The following CLVS1 variants were observed in gnomAD, a reference collection of about 807,000 sequenced individuals.
CLVS1 encodes the protein clavesin 1.
In CLVS1, 10 loss-of-function variants were observed where a neutral mutation model predicts 33.1. The observed-to-expected ratio is 0.30, with a 90% CI of 0.19 to 0.51. The LOEUF (loss-of-function observed/expected upper bound fraction) is 0.51, where lower values mean the gene tolerates loss of function less well. CLVS1 is among the 20% of genes least tolerant of loss of function. The pLI, the probability that CLVS1 is intolerant of heterozygous loss-of-function variation, is 0.97. For missense variants in CLVS1, 343 were observed against 433.4 expected (o/e 0.79, Z 1.85); for synonymous variants, 163 against 166.1 (o/e 0.98, Z 0.14).
chr8:61,295,670 G>A (rs1388415646), intron 1 of CLVS1, among the ~76,000 whole-genome samples: 1 of 152,144 alleles, frequency 6.6e-6, no homozygotes, highest in African/African-American at 2.4e-5. Flanking sequence ...ACACATAAGA[G>A]ACAGGGCAGC....
At chr8:61,228,484 G>T (rs1425118930) in intron 2 of CLVS1, among the ~76,000 whole-genome samples, 1 of 152,182 alleles carries the variant, frequency 6.6e-6, no homozygotes, top group East Asian at 1.9e-4. Context: ...GCTTAGCCTA[G>T]CTTACCTTAA....
chr8:61,213,398 G>T (rs547280860), intron 2 of CLVS1, among the ~76,000 whole-genome samples: 15 of 150,332 alleles, frequency 1.0e-4, no homozygotes, highest in Non-Finnish European at 1.9e-4. Flanking sequence ...CCAGCCTAGT[G>T]TCCTCTTAAG....
intron 2 of CLVS1, among the ~76,000 whole-genome samples, chr8:61,192,495 A>T (rs114836229): frequency 0.02 from 3,042 of 151,626 alleles, 106 homozygotes; most frequent in African/African-American, 0.068. Context: ...ACATAAAAGC[A>T]ATGGCAACAA....
chr8:61,423,668 G>T (rs552512822), intron 3 of CLVS1, among the ~76,000 whole-genome samples: 5 of 152,162 alleles, frequency 3.3e-5, no homozygotes, highest in African/African-American at 4.8e-5. Context: ...TGGAAAAATT[G>T]AAAATGTTAT....
intron 2 of CLVS1, among the ~76,000 whole-genome samples, chr8:61,309,764 A>T (rs1810769615): frequency 6.6e-6 from 1 of 152,198 alleles, no homozygotes; most frequent in South Asian, 2.1e-4. Flanking sequence ...AAAAGCCCCC[A>T]CAGCTCTGTG....
chr8:61,303,997 G>A lies in CLVS1; in HGVS notation c.455+3715G>A, dbSNP rs544259248. Among the ~76,000 whole-genome samples the A allele has an allele frequency of 1.4e-4, 22 of 152,286 alleles. No homozygotes were observed. The South Asian group carries it at 4.4e-3, about 30-fold the overall frequency. On this transcript the variant is annotated intron_variant, in intron 2 of 5. Transcript: ENST00000325897. The stretch of plus-strand genomic sequence containing the variant: ...GAATGGGGCAATGAATGTGAACTAC[G>A]GCATGCCCATCCTAAGCACCTGTTT...
chr8:61,337,434 T>TCC, intron 2 of CLVS1, among the ~76,000 whole-genome samples: 1 of 152,298 alleles, frequency 6.6e-6, no homozygotes, highest in East Asian at 1.9e-4. Flanking sequence ...GCTAAGGCTC[T>TCC]CCCACTGCCC....
intron 2 of CLVS1, among the ~76,000 whole-genome samples, chr8:61,145,511 T>G (rs1806398779): frequency 6.6e-6 from 1 of 152,232 alleles, no homozygotes; most frequent in Non-Finnish European, 1.5e-5. Context: ...GCTTTGAAGA[T>G]GAAACAAGAG....
chr8:61,190,856 A>C (rs1376198702), intron 2 of CLVS1, among the ~76,000 whole-genome samples: 1 of 152,210 alleles, frequency 6.6e-6, no homozygotes, highest in Non-Finnish European at 1.5e-5. Context: ...GACCAGTAAC[A>C]GGCTCTGAAA....
At chr8:61,083,437 T>C (rs575508464) in intron 1 of CLVS1, among the ~76,000 whole-genome samples, 18 of 152,088 alleles carry the variant, frequency 1.2e-4, no homozygotes, top group African/African-American at 3.6e-4. Flanking sequence ...TGAGGGCCAG[T>C]GTACAAAGGA....
chr8:61,015,844 T>G, the CLVS1 span, among the ~76,000 whole-genome samples: 1 of 152,006 alleles, frequency 6.6e-6, no homozygotes, highest in African/African-American at 2.4e-5. Flanking sequence ...ACCACTTCCA[T>G]CCCAAAGCTT....
At chr8:61,034,679 A>G in the CLVS1 span, among the ~76,000 whole-genome samples, 1 of 152,156 alleles carries the variant, frequency 6.6e-6, no homozygotes, top group East Asian at 1.9e-4. Context: ...CCACTTCAGC[A>G]CTATTGCAAA....
At chr8:61,132,040 T>A (rs974999083) in intron 2 of CLVS1, among the ~76,000 whole-genome samples, 1 of 151,988 alleles carries the variant, frequency 6.6e-6, no homozygotes, top group African/African-American at 2.4e-5. Flanking sequence ...TCCTGGGAGG[T>A]CATCAAGGGT....
the CLVS1 span, among the ~76,000 whole-genome samples, chr8:61,049,201 C>T: frequency 5.3e-5 from 8 of 152,180 alleles, no homozygotes; most frequent in African/African-American, 1.9e-4. Flanking sequence ...CTACAACAGT[C>T]CAGAAACAAT....
chr8:61,439,187 A>G (rs562895083), intron 3 of CLVS1, among the ~76,000 whole-genome samples: 8 of 152,332 alleles, frequency 5.3e-5, no homozygotes, highest in African/African-American at 1.7e-4. Context: ...CACTTCTGGC[A>G]TCGATTTCCT....
At chr8:61,462,734 AC>A (rs1480113061) in intron 5 of CLVS1, among the ~76,000 whole-genome samples, 1 of 152,166 alleles carries the variant, frequency 6.6e-6, no homozygotes, top group Non-Finnish European at 1.5e-5. Context: ...CGTGCTATAA[AC>A]AGATATACTG....
chr8:61,082,470 C>A (rs776950303), intron 1 of CLVS1, among the ~76,000 whole-genome samples: 22 of 151,200 alleles, frequency 1.5e-4, no homozygotes, highest in Non-Finnish European at 2.6e-4. Context: ...AGGAAAAATA[C>A]CAAAACAAAG....
At chr8:61,088,670 T>C (rs2129283931) in intron 1 of CLVS1, among the ~76,000 whole-genome samples, 1 of 152,310 alleles carries the variant, frequency 6.6e-6, no homozygotes, top group South Asian at 2.1e-4. Context: ...GTATCACTTT[T>C]TAATTTCTAC....
chr8:61,280,920 G>A (rs192075006), intron 2 of CLVS1, among the ~76,000 whole-genome samples: 131 of 152,274 alleles, frequency 8.6e-4, no homozygotes, highest in African/African-American at 2.8e-3. Flanking sequence ...GAGCCACCAC[G>A]CTTGGAGATC....
Sources: gnomAD v4.1 joint callset for allele counts (sites outside exome capture counted in the v4.1 genomes callset) on GRCh38, gnomAD v4.1.1 for gene constraint, MANE v1.5 for transcripts, NCBI Gene and HGNC (gene_info 2026-07-23, HGNC 2026-07-21) for gene names.